The following ALDH1A2 variants were observed in gnomAD, a reference collection of about 807,000 sequenced individuals.
ALDH1A2 encodes the protein aldehyde dehydrogenase 1 family member A2.
A neutral mutation model predicts 60.3 loss-of-function variants in ALDH1A2; 27 were observed. The observed-to-expected ratio is 0.45, with a 90% CI of 0.33 to 0.62. ALDH1A2 has a LOEUF of 0.62. Among genes scored for constraint, ALDH1A2 ranks in the 20% least tolerant of loss-of-function variants. ALDH1A2 has a pLI of 0.02. For missense variants in ALDH1A2, 581 were observed against 643.8 expected (o/e 0.90, Z 1.06); for synonymous variants, 289 against 232.4 (o/e 1.24, Z -2.21).
intron 12 of ALDH1A2, among the ~76,000 whole-genome samples, chr15:57,956,693 A>AGCTCTG (rs1893537966): frequency 6.6e-6 from 1 of 152,196 alleles, no homozygotes; most frequent in Admixed American, 6.5e-5. Context: ...TTACCAGCTC[A>AGCTCTG]GCTCTGGCTC....
chr15:57,958,070 A>G (rs1289247128), intron 12 of ALDH1A2, among the ~76,000 whole-genome samples: 2 of 152,176 alleles, frequency 1.3e-5, no homozygotes, highest in Admixed American at 6.5e-5. Flanking sequence ...TCACTCTGGA[A>G]GCTTGTTAAA....
chr15:57,963,169 G>C (rs191151296), intron 9 of ALDH1A2, among the ~76,000 whole-genome samples: 3 of 152,276 alleles, frequency 2.0e-5, no homozygotes, highest in African/African-American at 7.2e-5. Context: ...TAAAAGGATA[G>C]ATGGCTCTAG....
At chr15:58,020,529 T>C (rs1241388262) in intron 1 of ALDH1A2, among the ~76,000 whole-genome samples, 1 of 152,168 alleles carries the variant, frequency 6.6e-6, no homozygotes, top group Non-Finnish European at 1.5e-5. Context: ...AAATGCAAGC[T>C]AAGATCTACC....
At chr15:58,024,759 A>G (rs79684923) in intron 1 of ALDH1A2, among the ~76,000 whole-genome samples, 221 of 152,312 alleles carry the variant, frequency 1.5e-3, no homozygotes, top group African/African-American at 5.1e-3. Context: ...TCATCAGCAC[A>G]TGCAATATTC....
At position 57,955,101 on chromosome 15, in the gene ALDH1A2, C is replaced by CGT; in HGVS notation, c.*94_*95dup. ...ATCTTTTCAATCTTTAAGTAAGGACCGTGGCTCAACTTTGTATTCCTGAGA... is the reference window on the plus strand; with the variant it reads ...ATCTTTTCAATCTTTAAGTAAGGACCGTGTGGCTCAACTTTGTATTCCTGAGA... On this transcript the variant is annotated 3_prime_UTR_variant, in exon 13 of 13. Transcript: ENST00000249750. 1 of 1,287,640 alleles carries CGT rather than the reference C, an allele frequency of 7.8e-7. No homozygotes were observed. Among genetic ancestry groups the CGT allele is most frequent in the Non-Finnish European group, 1.1e-6 (1 of 882,248 alleles). The allele number at this position is 1,287,640 out of a possible 1,614,324, so 79.8% of individuals were successfully genotyped here. A position where few individuals can be genotyped will look rare whatever the true frequency, so the allele number is the denominator to read the frequency against.
chr15:58,009,204 G>C (rs1370501327), intron 4 of ALDH1A2, among the ~76,000 whole-genome samples: 3 of 151,894 alleles, frequency 2.0e-5, no homozygotes. Flanking sequence ...ACCTACATGA[G>C]GCATCACAAC....
chr15:58,046,539 T>C (rs1236713546), intron 1 of ALDH1A2, among the ~76,000 whole-genome samples: 1 of 152,040 alleles, frequency 6.6e-6, no homozygotes, highest in Non-Finnish European at 1.5e-5. Context: ...AGTTGAAAGA[T>C]CTCCATTTTA....
intron 7 of ALDH1A2, among the ~76,000 whole-genome samples, chr15:57,981,507 G>A (rs1894510522): frequency 1.3e-5 from 2 of 152,190 alleles, no homozygotes; most frequent in African/African-American, 4.8e-5. Flanking sequence ...CTTACTATAT[G>A]CCAAGCAATA....
At chr15:58,064,460 A>G (rs1026541908) in intron 1 of ALDH1A2, among the ~76,000 whole-genome samples, 1 of 152,350 alleles carries the variant, frequency 6.6e-6, no homozygotes, top group South Asian at 2.1e-4. Context: ...ACTAAGCCAG[A>G]TGCAAACAAT....
chr15:57,989,100 G>A (rs192176974), intron 7 of ALDH1A2, among the ~76,000 whole-genome samples: 1 of 152,292 alleles, frequency 6.6e-6, no homozygotes, highest in East Asian at 1.9e-4. Context: ...AGGGAGCCGA[G>A]ATCACGCCAT....
intron 1 of ALDH1A2, among the ~76,000 whole-genome samples, chr15:58,055,963 G>T (rs1896885040): frequency 6.6e-6 from 1 of 151,910 alleles, no homozygotes; most frequent in South Asian, 2.1e-4. Context: ...AAATCTATCA[G>T]CAGCACAGAG....
intron 1 of ALDH1A2, among the ~76,000 whole-genome samples, chr15:58,030,705 A>G (rs943011566): frequency 6.6e-6 from 1 of 152,196 alleles, no homozygotes; most frequent in Admixed American, 6.5e-5. Flanking sequence ...TACAAAATCA[A>G]TGTGCAAAAA....
At chr15:57,983,343 C>A (rs181791230) in intron 7 of ALDH1A2, among the ~76,000 whole-genome samples, 21 of 152,250 alleles carry the variant, frequency 1.4e-4, no homozygotes, top group Middle Eastern at 3.4e-3. Flanking sequence ...TGAGGACTCA[C>A]GAGGGTCCTC....
Position 57,962,044 on chromosome 15 carries a change from C to T in ALDH1A2, c.1219G>A (p.Val407Ile), listed in dbSNP as rs775867880. ...TTGGCAATCCGCATATCATCAGTGA[C>T]GTTGGAAAACACTGTGGGCTCAATG... ...FFIEPTVFSN[V>I]TDDMRIAKEE... Residue 407 changes from valine (V) to isoleucine (I), a missense_variant, in exon 10 of 13, where the codon GTC (valine) becomes ATC (isoleucine). By Grantham distance (29) the Val-to-Ile change is conservative (BLOSUM62 3). Coordinates refer to ENST00000249750, the MANE Select transcript of ALDH1A2 (RefSeq NM_003888.4). 3.7e-6 allele frequency: 6 copies of T among 1,614,016 alleles called. No homozygotes were observed. The highest frequency in any genetic ancestry group is 2.2e-5 in the East Asian group (1 of 44,888).
chr15:58,008,265 G>C lies in ALDH1A2; in HGVS notation c.493+2384C>G, dbSNP rs533459098. ...CTTTTTGGGGAAAAACAGTTACTTA[G>C]AGTTTAAGAGAATTCATCGTTTTTT... is the stretch of plus-strand genomic sequence containing the variant. On this transcript the variant is annotated intron_variant, in intron 4 of 12. Transcript: ENST00000249750. 7.0e-4 allele frequency among the ~76,000 whole-genome samples: 106 copies of C among 152,156 alleles called. 1 individual carries two copies. The highest frequency in any genetic ancestry group is 2.5e-3 in the African/African-American group (102 of 41,520).
At chr15:57,964,262 A>C (rs1479004423) in intron 8 of ALDH1A2, 193 bp from the exon 9 acceptor site, 1 of 605,586 alleles carries the variant, frequency 1.7e-6, no homozygotes, top group African/African-American at 1.9e-5. Context: ...GAACAACTTC[A>C]CTTCTTTGGG....
intron 1 of ALDH1A2, among the ~76,000 whole-genome samples, chr15:58,026,075 A>C (rs1231108518): frequency 6.6e-6 from 1 of 152,238 alleles, no homozygotes; most frequent in Non-Finnish European, 1.5e-5. Flanking sequence ...AAATCATTCT[A>C]TAAGGCTAGC....
chr15:57,959,026 T>G (rs1300726856), intron 12 of ALDH1A2, among the ~76,000 whole-genome samples: 1 of 152,180 alleles, frequency 6.6e-6, no homozygotes, highest in African/African-American at 2.4e-5. Flanking sequence ...ACCACCTTTC[T>G]GGGCAAGGAG....
intron 4 of ALDH1A2, 70 bp downstream of exon 4, chr15:58,010,579 T>C: frequency 1.3e-6 from 2 of 1,595,434 alleles, no homozygotes; most frequent in Admixed American, 1.7e-5. Flanking sequence ...CTGCTGTTTG[T>C]GTTTGGTGGC....
Sources: gnomAD v4.1 joint callset for allele counts (sites outside exome capture counted in the v4.1 genomes callset) on GRCh38, gnomAD v4.1.1 for gene constraint, MANE v1.5 for transcripts, NCBI Gene and HGNC (gene_info 2026-07-23, HGNC 2026-07-21) for gene names.